Variants in MYO6 observed in about 807,000 individuals in gnomAD.
The protein encoded by MYO6 is unconventional myosin-VI.
Under a neutral mutation model 178.7 loss-of-function variants are expected in MYO6, and 74 were observed. That is an observed-to-expected ratio of 0.41 (90% CI 0.34 to 0.50). The LOEUF is 0.50. Among genes scored for constraint, MYO6 ranks in the 20% least tolerant of loss-of-function variants. The probability of loss-of-function intolerance (pLI) is 0.09; values close to 1 mark genes in which losing one functional copy is unlikely to be tolerated. For synonymous variants in MYO6, 477 were observed against 504.6 expected, an observed-to-expected ratio of 0.95 and a Z score of 0.73; for missense variants, 1,330 against 1,547.4, an observed-to-expected ratio of 0.86 and a Z score of 2.36.
intron 20 of MYO6, among the ~76,000 whole-genome samples, chr6:75,873,902 T>C (rs1777355452): frequency 6.6e-6 from 1 of 152,192 alleles, no homozygotes. Context: ...CTGACCTTGC[T>C]CAGGCACCAG....
At chr6:75,820,892 A>G (rs1046355981) in intron 2 of MYO6, among the ~76,000 whole-genome samples, 1 of 151,914 alleles carries the variant, frequency 6.6e-6, no homozygotes, top group South Asian at 2.1e-4. Context: ...CTCCCTCCCT[A>G]CTAGACTATG....
rs1368001403 is a variant in MYO6, at chr6:75,918,310, G to C, written c.*3298G>C. On this transcript the variant is annotated 3_prime_UTR_variant, in exon 35 of 35. Transcript: ENST00000369977. ...ATGAGAATAAGGACATGTTAGAGGG[G>C]GGGAAACAGTTGTAACAATAAGGAA... 1.3e-5 allele frequency: 2 copies of C among 152,178 alleles called. No individual in the cohort carries two copies. Among genetic ancestry groups the C allele is most frequent in the African/African-American group, 4.8e-5 (2 of 41,448 alleles). 9.4% of individuals were successfully genotyped at this position (152,178 alleles called of 1,614,324 possible). A position where few individuals can be genotyped will look rare whatever the true frequency, so the allele number is the denominator to read the frequency against.
chr6:75,886,831 A>T lies in MYO6; in HGVS notation c.2508-13A>T. On this transcript the variant is annotated splice_polypyrimidine_tract_variant and intron_variant, in intron 24 of 34. Transcript: ENST00000369977. ...GGATGAAATTAAGCTCTAATGAAGT[A>T]TTATTTTTACAGCATTGATGGTCTG... 6.2e-7 allele frequency: 1 copy of T among 1,612,596 alleles called. No homozygotes were observed.
At chr6:75,886,244 T>G (rs1778425121) in intron 24 of MYO6, 150 bp downstream of exon 24, 3 of 624,634 alleles carry the variant, frequency 4.8e-6, no homozygotes, top group Non-Finnish European at 8.6e-6. Context: ...TTGTAATATT[T>G]ATTTGAAGTT....
chr6:75,871,167 A>G (rs567247801), intron 19 of MYO6, among the ~76,000 whole-genome samples: 1 of 152,340 alleles, frequency 6.6e-6, no homozygotes, highest in Non-Finnish European at 1.5e-5. Flanking sequence ...AACATCATAG[A>G]AAGAAATTAT....
At chr6:75,861,991 A>G (rs2149296885) in intron 15 of MYO6, among the ~76,000 whole-genome samples, 1 of 152,130 alleles carries the variant, frequency 6.6e-6, no homozygotes, top group South Asian at 2.1e-4. Context: ...CTGCCCTACC[A>G]CTAATTACCC....
intron 1 of MYO6, among the ~76,000 whole-genome samples, chr6:75,795,976 A>G (rs544874809): frequency 6.6e-6 from 1 of 152,358 alleles, no homozygotes; most frequent in East Asian, 1.9e-4. Context: ...ATCTATGGAT[A>G]CTCAACAATC....
intron 1 of MYO6, among the ~76,000 whole-genome samples, chr6:75,750,711 T>C (rs1368760739): frequency 6.6e-6 from 1 of 151,728 alleles, no homozygotes; most frequent in Non-Finnish European, 1.5e-5. Flanking sequence ...CCCGAGTGGC[T>C]GGGACTACAG....
At chr6:75,754,415 G>A (rs1487716322) in intron 1 of MYO6, among the ~76,000 whole-genome samples, 1 of 147,050 alleles carries the variant, frequency 6.8e-6, no homozygotes, top group Non-Finnish European at 1.5e-5. Context: ...AGCTACTTGG[G>A]AGGCCAAGGC....
chr6:75,871,438 T>A (rs745831830), intron 19 of MYO6, among the ~76,000 whole-genome samples: 1 of 152,246 alleles, frequency 6.6e-6, no homozygotes, highest in Middle Eastern at 3.4e-3. Flanking sequence ...TTTGTAGATA[T>A]GAGGTTTCGC....
At chr6:75,870,473 G>A (rs895519452) in intron 18 of MYO6, among the ~76,000 whole-genome samples, 174 bp from the exon 19 acceptor site, 2 of 152,082 alleles carry the variant, frequency 1.3e-5, no homozygotes, top group African/African-American at 4.8e-5. Context: ...TAGCCATTTT[G>A]CATGATGCTG....
chr6:75,874,860 A>T (rs1777444114), intron 20 of MYO6, among the ~76,000 whole-genome samples: 1 of 152,166 alleles, frequency 6.6e-6, no homozygotes, highest in Non-Finnish European at 1.5e-5. Flanking sequence ...TTTAGCTCCC[A>T]CCTTGATGAG....
intron 7 of MYO6, 55 bp from the exon 8 acceptor site, chr6:75,840,530 T>C: frequency 8.5e-7 from 1 of 1,172,856 alleles, no homozygotes; most frequent in South Asian, 1.2e-5. Flanking sequence ...ACCATGCATA[T>C]TTTGTAATGT....
intron 30 of MYO6, among the ~76,000 whole-genome samples, chr6:75,901,887 CA>C (rs955937252): frequency 2.6e-5 from 4 of 152,006 alleles, no homozygotes; most frequent in African/African-American, 9.7e-5. Flanking sequence ...TTATTATTTT[CA>C]AATACGTCCC....
At chr6:75,820,059 T>C (rs1158146212) in intron 2 of MYO6, among the ~76,000 whole-genome samples, 1 of 152,174 alleles carries the variant, frequency 6.6e-6, no homozygotes, top group East Asian at 1.9e-4. Context: ...AAAAGAAAGC[T>C]ATTTTAATCC....
intron 16 of MYO6, chr6:75,865,353 G>GTTTTT (rs1476460446): frequency 2.3e-5 from 2 of 87,822 alleles, no homozygotes; most frequent in Admixed American, 1.2e-4. Flanking sequence ...TTTAAATGAT[G>GTTTTT]TCTTTTTTTT....
intron 1 of MYO6, among the ~76,000 whole-genome samples, chr6:75,763,255 A>AC (rs1023087880): frequency 1.3e-5 from 2 of 151,708 alleles, no homozygotes; most frequent in African/African-American, 4.8e-5. Context: ...TGAACTCCTG[A>AC]CCTCATGATC....
intron 22 of MYO6, among the ~76,000 whole-genome samples, chr6:75,880,877 A>G (rs939665244): frequency 2.0e-5 from 3 of 152,326 alleles, no homozygotes; most frequent in African/African-American, 4.8e-5. Flanking sequence ...GAAATAATGT[A>G]TTTTATTAGT....
chr6:75,855,002 A>C, intron 11 of MYO6, 137 bp from the exon 12 acceptor site: 1 of 750,058 alleles, frequency 1.3e-6, no homozygotes, highest in South Asian at 1.8e-5. Flanking sequence ...TGAAAAAGTG[A>C]GGTAGATTTA....
Sources: allele counts gnomAD v4.1 joint callset (sites outside exome capture counted in the v4.1 genomes callset), GRCh38; gene constraint gnomAD v4.1.1; transcripts MANE v1.5; gene names NCBI Gene and HGNC (gene_info 2026-07-23, HGNC 2026-07-21).